The following CELF2 variants were observed in gnomAD, a reference collection of about 807,000 sequenced individuals.
CELF2 encodes CUG triplet repeat RNA-binding protein 2.
A neutral mutation model predicts 62.6 loss-of-function variants in CELF2; 8 were observed. That is an observed-to-expected ratio of 0.13 (90% CI 0.07 to 0.23). CELF2 has a LOEUF of 0.23. CELF2 is among the 10% of genes least tolerant of loss of function. The pLI is 1.00. For synonymous variants in CELF2, 258 were observed against 250.0 expected, an observed-to-expected ratio of 1.03 and a Z score of -0.30; for missense variants, 333 against 671.0, an observed-to-expected ratio of 0.50 and a Z score of 5.56.
At chr10:10,869,843 C>T (rs150227239) in intron 1 of CELF2, among the ~76,000 whole-genome samples, 9 of 152,134 alleles carry the variant, frequency 5.9e-5, no homozygotes, top group African/African-American at 7.2e-5. Context: ...TAGCTGAATG[C>T]GGTGACATGT....
chr10:10,754,261 C>T, the CELF2 span, among the ~76,000 whole-genome samples: 1 of 151,918 alleles, frequency 6.6e-6, no homozygotes, highest in African/African-American at 2.4e-5. Context: ...CCTCCCACCT[C>T]TGCCTCCCAA....
At chr10:10,640,091 T>C in the CELF2 span, among the ~76,000 whole-genome samples, 4 of 152,330 alleles carry the variant, frequency 2.6e-5, no homozygotes, top group South Asian at 8.3e-4. Context: ...TCCCCTTTCT[T>C]CTGCACTCTC....
At chr10:10,728,217 G>A in the CELF2 span, among the ~76,000 whole-genome samples, 2 of 151,534 alleles carry the variant, frequency 1.3e-5, no homozygotes, top group East Asian at 3.9e-4. Flanking sequence ...GAGGTGGGTG[G>A]ATCACGAGGT....
chr10:10,986,820 C>T (rs1248175248), intron 2 of CELF2, among the ~76,000 whole-genome samples: 1 of 152,172 alleles, frequency 6.6e-6, no homozygotes, highest in African/African-American at 2.4e-5. Context: ...TTAGCGTCAG[C>T]ACTACAAGGT....
At chr10:10,550,474 G>C in the CELF2 span, among the ~76,000 whole-genome samples, 1 of 152,180 alleles carries the variant, frequency 6.6e-6, no homozygotes, top group East Asian at 1.9e-4. Context: ...TTTGAGAAAA[G>C]ATAAGCTTTA....
At chr10:10,727,442 C>T in the CELF2 span, among the ~76,000 whole-genome samples, 1 of 152,156 alleles carries the variant, frequency 6.6e-6, no homozygotes, top group Non-Finnish European at 1.5e-5. Context: ...TATATGTCAT[C>T]ATCATCCACA....
the CELF2 span, among the ~76,000 whole-genome samples, chr10:10,508,077 C>T: frequency 2.6e-5 from 4 of 152,042 alleles, no homozygotes; most frequent in African/African-American, 7.2e-5. Context: ...AATGAATAAG[C>T]CCAGAACAAC....
the CELF2 span, among the ~76,000 whole-genome samples, chr10:10,477,889 T>C: frequency 6.6e-6 from 1 of 152,146 alleles, no homozygotes; most frequent in South Asian, 2.1e-4. Context: ...TTCCTGATGT[T>C]CCCCAAGGAA....
chr10:11,213,849 C>G (rs1035660220), intron 2 of CELF2, among the ~76,000 whole-genome samples: 3 of 152,222 alleles, frequency 2.0e-5, no homozygotes, highest in African/African-American at 2.4e-5. Flanking sequence ...GAATGCTGAA[C>G]AAAGCATAAG....
At chr10:10,517,057 A>G in the CELF2 span, among the ~76,000 whole-genome samples, 1 of 152,236 alleles carries the variant, frequency 6.6e-6, no homozygotes, top group Non-Finnish European at 1.5e-5. Context: ...ACAGCAGTGC[A>G]TGAATTTATT....
intron 1 of CELF2, among the ~76,000 whole-genome samples, chr10:11,009,346 TGTGA>T (rs1456163646): frequency 7.4e-4 from 113 of 151,918 alleles, no homozygotes; most frequent in Middle Eastern, 3.4e-3. Context: ...TGCGCGTGTG[TGTGA>T]GTGTGTGTGT....
At position 11,285,924 on chromosome 10, in the gene CELF2, A is replaced by C. The variant is rs1025039643; in HGVS notation, c.842-2494A>C. Among the ~76,000 whole-genome samples the C allele has an allele frequency of 5.9e-5, 9 of 151,400 alleles. No homozygotes were observed. Among genetic ancestry groups the C allele is most frequent in the Admixed American group, 4.6e-4 (7 of 15,124 alleles). On this transcript the variant is annotated intron_variant, in intron 8 of 12. Transcript: ENST00000633077. This position sits in a 1 kb window ranked among gnomAD's most constrained non-coding sequence, Gnocchi z 4.3. The stretch of plus-strand genomic sequence containing the variant: ...GAGTAAGACATAATTTTTGTCCTAA[A>C]GGAACTTGGTATCTGGTTGGGAGGG...
At position 11,296,018 on chromosome 10, in the gene CELF2, T is replaced by G. The variant is rs571060897; in HGVS notation, c.976+7466T>G. Among the ~76,000 whole-genome samples, 26 of 152,058 alleles carry G rather than the reference T, an allele frequency of 1.7e-4. No homozygotes were observed. The highest frequency in any genetic ancestry group is 3.2e-4 in the Non-Finnish European group (22 of 67,996). On this transcript the variant is annotated intron_variant, in intron 9 of 12. Coordinates refer to ENST00000633077, the MANE Select transcript of CELF2 (RefSeq NM_001326342.2). The surrounding 1 kb of genome is among the most constrained non-coding windows in gnomAD (Gnocchi z 5.0). Reference sequence around the variant, plus strand: ...TTAAAGCTTAATAAAGCTGCGCAGCTTTGGGGGTAGAGATATTTACGGTTC... The same window carrying G: ...TTAAAGCTTAATAAAGCTGCGCAGCGTTGGGGGTAGAGATATTTACGGTTC...
intron 1 of CELF2, among the ~76,000 whole-genome samples, chr10:10,818,978 T>C (rs2056736643): frequency 6.6e-6 from 1 of 152,170 alleles, no homozygotes; most frequent in Admixed American, 6.5e-5. Context: ...CAACTGAAAC[T>C]TAATAGTATC....
the CELF2 span, among the ~76,000 whole-genome samples, chr10:10,678,185 A>G: frequency 1.3e-5 from 2 of 152,172 alleles, no homozygotes; most frequent in African/African-American, 2.4e-5. Context: ...ATGGATCCAC[A>G]CATCTAGCAA....
At chr10:11,210,706 C>A (rs1233562965) in intron 2 of CELF2, among the ~76,000 whole-genome samples, 3 of 152,130 alleles carry the variant, frequency 2.0e-5, no homozygotes, top group African/African-American at 7.2e-5. Context: ...GGAATGCCTC[C>A]CTGAAACCAG....
chr10:10,716,339 G>A, the CELF2 span, among the ~76,000 whole-genome samples: 1 of 152,154 alleles, frequency 6.6e-6, no homozygotes, highest in African/African-American at 2.4e-5. Flanking sequence ...CCAGGAGTTC[G>A]AGACCAGCCT....
Position 11,217,300 on chromosome 10 carries a change from T to G in CELF2, c.272-125T>G. 6.7e-6 allele frequency: 4 copies of G among 599,584 alleles called. No individual in the cohort carries two copies. In the South Asian group the frequency reaches 8.3e-5, roughly 12 times the overall value. 37.1% of individuals were successfully genotyped at this position (599,584 alleles called of 1,614,324 possible). A position where few individuals can be genotyped will look rare whatever the true frequency, so the allele number is the denominator to read the frequency against. On this transcript the variant is annotated intron_variant, in intron 2 of 12. Coordinates refer to ENST00000633077, the MANE Select transcript of CELF2 (RefSeq NM_001326342.2). The surrounding 1 kb of genome is among the most constrained non-coding windows in gnomAD (Gnocchi z 5.6). Reference sequence around the variant, plus strand: ...GCTTGAGATGTTGTTATTGCTGTTCTCATATGCTTTATTATTTTTAAATTG... The same window carrying G: ...GCTTGAGATGTTGTTATTGCTGTTCGCATATGCTTTATTATTTTTAAATTG...
At chr10:10,710,842 A>G in the CELF2 span, among the ~76,000 whole-genome samples, 1 of 152,226 alleles carries the variant, frequency 6.6e-6, no homozygotes. Context: ...AACAAATGGC[A>G]TACAACTGAG....
Sources: gnomAD v4.1 joint callset for allele counts (sites outside exome capture counted in the v4.1 genomes callset) on GRCh38, gnomAD v4.1.1 for gene constraint, Gnocchi (gnomAD v3.1) non-coding constraint, MANE v1.5 for transcripts, NCBI Gene and HGNC (gene_info 2026-07-23, HGNC 2026-07-21) for gene names.